NUP210L: variants seen among roughly 807,000 people sequenced by gnomAD.
The protein encoded by NUP210L is nucleoporin 210 like.
NUP210L carries 74 observed loss-of-function variants against 208.5 expected under a neutral mutation model. The observed-to-expected ratio is 0.35, with a 90% CI of 0.29 to 0.43. The LOEUF is 0.43. NUP210L is among the 20% of genes least tolerant of loss of function. The pLI is 1.00. For missense variants in NUP210L, 1,843 were observed against 2,289.4 expected, an observed-to-expected ratio of 0.81 and a Z score of 3.98; for synonymous variants, 780 against 816.9, an observed-to-expected ratio of 0.95 and a Z score of 0.77.
chr1:154,071,018 G>A lies in NUP210L; in HGVS notation c.2362-553C>T, dbSNP rs151232981. Among the ~76,000 whole-genome samples the A allele has an allele frequency of 2.0e-3, 295 of 151,112 alleles. 2 individuals carry two copies. Among genetic ancestry groups the A allele is most frequent in the African/African-American group, 6.7e-3 (279 of 41,360 alleles). ...ATTTTAATCTAGAAAAGGCACATTTGCCCTTTTTTGTTATTGTTTTTCATG... is the reference window on the plus strand; with the variant it reads ...ATTTTAATCTAGAAAAGGCACATTTACCCTTTTTTGTTATTGTTTTTCATG... On this transcript the variant is annotated intron_variant, in intron 16 of 39. Transcript: ENST00000368559.
At chr1:154,002,317 C>G (rs979879349) in intron 35 of NUP210L, among the ~76,000 whole-genome samples, 1 of 151,972 alleles carries the variant, frequency 6.6e-6, no homozygotes, top group Non-Finnish European at 1.5e-5. Flanking sequence ...CAGGCTCTGG[C>G]GATCCTCCCA....
intron 25 of NUP210L, among the ~76,000 whole-genome samples, chr1:154,048,863 T>C (rs1439714044): frequency 2.6e-5 from 4 of 152,184 alleles, no homozygotes; most frequent in African/African-American, 7.2e-5. Context: ...CAAATTGTTA[T>C]ATCTACTTCT....
At chr1:154,112,552 A>C (rs1657093718) in intron 12 of NUP210L, among the ~76,000 whole-genome samples, 1 of 152,124 alleles carries the variant, frequency 6.6e-6, no homozygotes, top group Admixed American at 6.6e-5. Flanking sequence ...AAAATATCTC[A>C]TGTATCCCAT....
chr1:154,020,689 G>C (rs1387576062), intron 32 of NUP210L, among the ~76,000 whole-genome samples: 1 of 151,956 alleles, frequency 6.6e-6, no homozygotes, highest in Non-Finnish European at 1.5e-5. Context: ...ACCATGCCCA[G>C]CTAATTTTTG....
At chr1:154,089,112 G>A (rs898703022) in intron 16 of NUP210L, among the ~76,000 whole-genome samples, 11 of 152,154 alleles carry the variant, frequency 7.2e-5, no homozygotes, top group Non-Finnish European at 1.6e-4. Context: ...TAGTAAACAA[G>A]TGTAGCCAAT....
chr1:154,104,269 G>C, intron 12 of NUP210L, 59 bp from the exon 13 acceptor site: 1 of 1,437,546 alleles, frequency 7.0e-7, no homozygotes, highest in Non-Finnish European at 9.7e-7. Flanking sequence ...CTTAGGAGGA[G>C]GAGAAGCAAG....
At chr1:154,146,611 A>T (rs1041244104) in intron 2 of NUP210L, among the ~76,000 whole-genome samples, 2 of 82,174 alleles carry the variant, frequency 2.4e-5, no homozygotes, top group Admixed American at 1.4e-4. Context: ...GCAAGATCCC[A>T]TCCCCCCTCC....
intron 16 of NUP210L, among the ~76,000 whole-genome samples, chr1:154,077,123 T>C (rs55696120): frequency 0.26 from 39,676 of 151,912 alleles, 5,613 homozygotes; most frequent in Admixed American, 0.37. Flanking sequence ...GCTTGTAATC[T>C]TAGCACTTTG....
chr1:154,102,374 G>A (rs1656514589), intron 13 of NUP210L, among the ~76,000 whole-genome samples: 1 of 152,102 alleles, frequency 6.6e-6, no homozygotes, highest in African/African-American at 2.4e-5. Flanking sequence ...TTGAGTTCAT[G>A]AAGCGCCATC....
At chr1:154,129,372 T>A in intron 7 of NUP210L, 27 bp from the exon 8 acceptor site, 1 of 1,470,070 alleles carries the variant, frequency 6.8e-7, no homozygotes, top group Non-Finnish European at 9.5e-7. Flanking sequence ...GGAAATCATG[T>A]GAGCCAGAGT....
At chr1:154,136,298 C>G (rs1286870899) in intron 6 of NUP210L, among the ~76,000 whole-genome samples, 1 of 150,726 alleles carries the variant, frequency 6.6e-6, no homozygotes, top group Non-Finnish European at 1.5e-5. Flanking sequence ...CTAAAAATAC[C>G]AAAATTAGCC....
intron 17 of NUP210L, among the ~76,000 whole-genome samples, chr1:154,063,154 CAGTGTGATA>C (rs1654227031): frequency 2.0e-5 from 3 of 152,210 alleles, no homozygotes; most frequent in South Asian, 4.1e-4. Flanking sequence ...CAATGCAATA[CAGTGTGATA>C]AGTGCTATTA....
chr1:153,994,004 A>G (rs1649664843), intron 38 of NUP210L, among the ~76,000 whole-genome samples: 1 of 152,118 alleles, frequency 6.6e-6, no homozygotes, highest in South Asian at 2.1e-4. Context: ...CAGCTTCCCT[A>G]GTAGCTGGGA....
chr1:154,141,331 G>T, intron 4 of NUP210L, 100 bp downstream of exon 4: 1 of 747,198 alleles, frequency 1.3e-6, no homozygotes, highest in Non-Finnish European at 2.4e-6. Flanking sequence ...TAGATAGCAG[G>T]GTCATCAAAG....
intron 5 of NUP210L, 44 bp from the exon 6 acceptor site, chr1:154,138,282 C>A: frequency 6.7e-7 from 1 of 1,502,472 alleles, no homozygotes; most frequent in East Asian, 2.6e-5. Flanking sequence ...TTTCCATGGA[C>A]GGAACCCTCA....
chr1:154,100,841 A>T (rs1275883613), intron 13 of NUP210L, among the ~76,000 whole-genome samples: 2 of 151,778 alleles, frequency 1.3e-5, no homozygotes, highest in Non-Finnish European at 2.9e-5. Context: ...TTTAAAGGAG[A>T]TTAAGCTATG....
At chr1:154,082,716 C>CG (rs1384725592) in intron 16 of NUP210L, among the ~76,000 whole-genome samples, 3 of 152,170 alleles carry the variant, frequency 2.0e-5, no homozygotes, top group Non-Finnish European at 4.4e-5. Flanking sequence ...TGGTCAGAAA[C>CG]GGAGTTTGTT....
intron 35 of NUP210L, among the ~76,000 whole-genome samples, chr1:154,006,463 ACTC>A (rs970406981): frequency 4.6e-5 from 7 of 150,626 alleles, no homozygotes; most frequent in African/African-American, 1.7e-4. Context: ...TCATATAGAT[ACTC>A]CTCCTTTCTT....
At chr1:153,996,117 C>T (rs1002601916) in intron 37 of NUP210L, among the ~76,000 whole-genome samples, 1 of 151,936 alleles carries the variant, frequency 6.6e-6, no homozygotes, top group African/African-American at 2.4e-5. Context: ...ATGGTGAAAC[C>T]CCGTCTCTAC....
Sources: gnomAD v4.1 joint callset for allele counts (sites outside exome capture counted in the v4.1 genomes callset) on GRCh38, gnomAD v4.1.1 for gene constraint, MANE v1.5 for transcripts, NCBI Gene and HGNC (gene_info 2026-07-23, HGNC 2026-07-21) for gene names.